The following GALNT1 variants were observed in gnomAD, a reference collection of about 807,000 sequenced individuals.
The protein encoded by GALNT1 is polypeptide N-acetylgalactosaminyltransferase 1, also known as GalNAc transferase 1.
A neutral mutation model predicts 65.7 loss-of-function variants in GALNT1; 17 were observed. The ratio of observed to expected loss-of-function variants is 0.26; its 90% CI spans 0.18 to 0.39. GALNT1 has a LOEUF of 0.39. GALNT1 is among the 10% of genes least tolerant of loss of function. The pLI is 1.00. For synonymous variants in GALNT1, 210 were observed against 219.7 expected, an observed-to-expected ratio of 0.96 and a Z score of 0.39; for missense variants, 460 against 672.8, an observed-to-expected ratio of 0.68 and a Z score of 3.50.
intron 1 of GALNT1, among the ~76,000 whole-genome samples, chr18:35,622,944 T>C (rs1386153261): frequency 1.3e-5 from 2 of 152,088 alleles, no homozygotes; most frequent in Non-Finnish European, 2.9e-5. Flanking sequence ...TGCTGAGTTT[T>C]ACTATTTTAT....
chr18:35,667,663 G>GT (rs966523477), intron 3 of GALNT1, among the ~76,000 whole-genome samples: 19 of 151,798 alleles, frequency 1.3e-4, no homozygotes, highest in Non-Finnish European at 1.0e-4. Flanking sequence ...TTCCTTCTCT[G>GT]TTTTTTTTCC....
At chr18:35,645,566 A>G (rs1007317903) in intron 1 of GALNT1, among the ~76,000 whole-genome samples, 4 of 152,282 alleles carry the variant, frequency 2.6e-5, no homozygotes, top group Admixed American at 1.3e-4. Flanking sequence ...TATAACTACC[A>G]TATAGGAGCA....
intron 1 of GALNT1, among the ~76,000 whole-genome samples, chr18:35,648,272 G>A (rs868789697): frequency 6.6e-6 from 1 of 152,156 alleles, no homozygotes; most frequent in Non-Finnish European, 1.5e-5. Flanking sequence ...TCAGTAAATT[G>A]CATAAGATAT....
At chr18:35,651,933 T>G (rs956986305) in intron 1 of GALNT1, among the ~76,000 whole-genome samples, 2 of 152,214 alleles carry the variant, frequency 1.3e-5, no homozygotes, top group Non-Finnish European at 2.9e-5. Context: ...GTTTTTTCAT[T>G]CTTTTACATC....
At chr18:35,673,553 A>G (rs2047664662) in intron 3 of GALNT1, among the ~76,000 whole-genome samples, 1 of 152,234 alleles carries the variant, frequency 6.6e-6, no homozygotes, top group South Asian at 2.1e-4. Context: ...TCAGGAATTT[A>G]ATAAAAAGTC....
At chr18:35,600,707 C>G (rs1240910221) in intron 1 of GALNT1, among the ~76,000 whole-genome samples, 1 of 151,876 alleles carries the variant, frequency 6.6e-6, no homozygotes, top group African/African-American at 2.4e-5. Context: ...CCTTCTATAC[C>G]ATTAACATTC....
intron 1 of GALNT1, among the ~76,000 whole-genome samples, chr18:35,585,033 T>C (rs779717212): frequency 6.6e-6 from 1 of 152,154 alleles, no homozygotes; most frequent in Non-Finnish European, 1.5e-5. Flanking sequence ...ATAAATACAA[T>C]TTGTGATTAT....
intron 3 of GALNT1, among the ~76,000 whole-genome samples, chr18:35,675,419 C>G (rs1034788263): frequency 5.3e-5 from 8 of 152,164 alleles, no homozygotes. Context: ...ATCATCTGTT[C>G]TTCTGGATCC....
At chr18:35,628,920 G>T (rs112492780) in intron 1 of GALNT1, among the ~76,000 whole-genome samples, 14,505 of 152,262 alleles carry the variant, frequency 0.095, 835 homozygotes, top group African/African-American at 0.17. Context: ...CATGACGAAT[G>T]CGCAAGCTTC....
At chr18:35,600,788 C>T (rs1031116745) in intron 1 of GALNT1, among the ~76,000 whole-genome samples, 2 of 152,102 alleles carry the variant, frequency 1.3e-5, no homozygotes, top group African/African-American at 4.8e-5. Flanking sequence ...GGAAGAATCT[C>T]ACTTGATCGT....
chr18:35,583,525 G>GTATC (rs1459687282), intron 1 of GALNT1, among the ~76,000 whole-genome samples: 2 of 152,118 alleles, frequency 1.3e-5, no homozygotes, highest in Non-Finnish European at 2.9e-5. Flanking sequence ...TTCCAGCCAT[G>GTATC]TATCACTGAA....
At chr18:35,704,545 C>T (rs960501853) in intron 11 of GALNT1, among the ~76,000 whole-genome samples, 2 of 151,810 alleles carry the variant, frequency 1.3e-5, no homozygotes, top group Non-Finnish European at 1.5e-5. Flanking sequence ...TAGGCTCAAG[C>T]GATCCACCCG....
intron 9 of GALNT1, among the ~76,000 whole-genome samples, chr18:35,701,921 AC>A (rs1486734552): frequency 1.3e-5 from 2 of 152,052 alleles, no homozygotes; most frequent in Non-Finnish European, 2.9e-5. Context: ...TTCATGCTGG[AC>A]TCTGAATTAG....
At chr18:35,640,982 G>A (rs1035656289) in intron 1 of GALNT1, among the ~76,000 whole-genome samples, 9 of 152,162 alleles carry the variant, frequency 5.9e-5, no homozygotes, top group African/African-American at 1.2e-4. Flanking sequence ...AATATGAACC[G>A]TAAAAGATGC....
chr18:35,667,550 A>G (rs994955333), intron 3 of GALNT1, among the ~76,000 whole-genome samples: 3 of 152,138 alleles, frequency 2.0e-5, no homozygotes, highest in Non-Finnish European at 4.4e-5. Context: ...TAATATTCCA[A>G]CTTCCCTAGT....
chr18:35,683,300 A>G lies in GALNT1; in HGVS notation c.482-91A>G, dbSNP rs1249897711. 4 of 942,880 alleles carry G rather than the reference A, an allele frequency of 4.2e-6. No individual in the cohort carries two copies. The Admixed American group carries it at 8.9e-5, about 21-fold the overall frequency. 58.4% of individuals were successfully genotyped at this position (942,880 alleles called of 1,614,324 possible). ...CTCACTGAGAGTGTTCAGTAAGGGT[A>G]TGTTGAATAAATTTTCCAAATCAAA... On this transcript the variant is annotated intron_variant, in intron 4 of 11. Transcript: ENST00000269195.
At chr18:35,623,098 G>A (rs187252930) in intron 1 of GALNT1, among the ~76,000 whole-genome samples, 3 of 152,234 alleles carry the variant, frequency 2.0e-5, no homozygotes, top group Admixed American at 1.3e-4. Flanking sequence ...AAGAAATTAA[G>A]AGGGAAGAAA....
chr18:35,644,738 C>G (rs991227065), intron 1 of GALNT1, among the ~76,000 whole-genome samples: 2 of 152,132 alleles, frequency 1.3e-5, no homozygotes, highest in Non-Finnish European at 2.9e-5. Flanking sequence ...CACCAGTAAT[C>G]CCAGCACTTT....
chr18:35,608,267 T>C (rs2046675890), intron 1 of GALNT1, among the ~76,000 whole-genome samples: 1 of 152,222 alleles, frequency 6.6e-6, no homozygotes. Context: ...TACTAATCTG[T>C]AGAAATGCAA....
Sources: allele counts gnomAD v4.1 joint callset (sites outside exome capture counted in the v4.1 genomes callset), GRCh38; gene constraint gnomAD v4.1.1; transcripts MANE v1.5; gene names NCBI Gene and HGNC (gene_info 2026-07-23, HGNC 2026-07-21).